Variants in MEIKIN observed in about 807,000 individuals in gnomAD.
MEIKIN encodes the protein meiotic kinetochore factor.
chr5:131,829,091 C>G (rs1749667180), intron 11 of MEIKIN, among the ~76,000 whole-genome samples: 1 of 152,122 alleles, frequency 6.6e-6, no homozygotes, highest in Admixed American at 6.5e-5. Context: ...GAAGATCCCT[C>G]TAGCTTCCAC....
intron 11 of MEIKIN, among the ~76,000 whole-genome samples, chr5:131,831,734 C>A (rs1316695003): frequency 6.6e-6 from 1 of 152,180 alleles, no homozygotes; most frequent in African/African-American, 2.4e-5. Flanking sequence ...TACAGTGCCA[C>A]ATGGCTGGGG....
chr5:131,845,272 TAA>T (rs1158220526), intron 11 of MEIKIN, among the ~76,000 whole-genome samples: 220 of 45,340 alleles, frequency 4.9e-3, no homozygotes, highest in African/African-American at 0.022. Context: ...GACTTCGTCT[TAA>T]AAAAAAAAAA....
intron 8 of MEIKIN, among the ~76,000 whole-genome samples, chr5:131,893,942 C>T (rs1304760691): frequency 6.6e-6 from 1 of 152,140 alleles, no homozygotes; most frequent in African/African-American, 2.4e-5. Context: ...GTTGCCATTG[C>T]TTTTGTTGTT....
chr5:131,933,791 ATATTTTAAAC>A (rs986340478), intron 4 of MEIKIN, 150 bp from the exon 5 acceptor site: 2 of 380,654 alleles, frequency 5.3e-6, no homozygotes, highest in Admixed American at 4.5e-5. Flanking sequence ...AAAAGGCATA[ATATTTTAAAC>A]TATTTTAATT....
intron 9 of MEIKIN, among the ~76,000 whole-genome samples, chr5:131,858,747 G>C (rs543554697): frequency 2.6e-5 from 4 of 152,094 alleles, no homozygotes; most frequent in African/African-American, 9.6e-5. Context: ...AAACCAAACA[G>C]CTCCATTAAA....
intron 4 of MEIKIN, among the ~76,000 whole-genome samples, chr5:131,941,422 G>A (rs1369585301): frequency 6.6e-6 from 1 of 150,688 alleles, no homozygotes; most frequent in African/African-American, 2.5e-5. Flanking sequence ...GCCTCTCAAA[G>A]TGCTGGGATT....
intron 3 of MEIKIN, 24 bp downstream of exon 3, chr5:131,944,641 G>C: frequency 7.5e-6 from 3 of 399,014 alleles, no homozygotes; most frequent in Non-Finnish European, 1.3e-5. Context: ...GTGTGTCCAA[G>C]GACTAAAAGA....
intron 8 of MEIKIN, among the ~76,000 whole-genome samples, chr5:131,895,494 T>G (rs1751023155): frequency 6.6e-6 from 1 of 152,194 alleles, no homozygotes; most frequent in South Asian, 2.1e-4. Flanking sequence ...TCTGGTAGAA[T>G]TCAACTGGGA....
intron 8 of MEIKIN, among the ~76,000 whole-genome samples, chr5:131,911,339 T>C (rs747450193): frequency 5.9e-5 from 9 of 152,178 alleles, no homozygotes; most frequent in East Asian, 1.9e-4. Context: ...GCAGGAAATA[T>C]AGAAAAATAT....
rs1749453135 is a variant in MEIKIN at position 131,819,757 on chromosome 5, AT to A, written c.976-895del. On this transcript the variant is annotated intron_variant, in intron 11 of 12. Coordinates refer to ENST00000442687, the MANE Select transcript of MEIKIN (RefSeq NM_001303622.2). Reference sequence around the variant, plus strand: ...TGAAACTATAGGCATGCACCACTACATCCAGCTATTTTTTTTTTTTTTTTTT... The same window carrying A: ...TGAAACTATAGGCATGCACCACTACACCAGCTATTTTTTTTTTTTTTTTTT... Among the ~76,000 whole-genome samples the A allele has an allele frequency of 2.2e-5, 3 of 136,936 alleles. No individual in the cohort carries two copies. In the South Asian group the frequency reaches 6.8e-4, roughly 31 times the overall value. 89.8% of individuals were successfully genotyped at this position (136,936 alleles called of 152,430 possible).
At chr5:131,898,960 G>T (rs1367568769) in intron 8 of MEIKIN, among the ~76,000 whole-genome samples, 1 of 152,160 alleles carries the variant, frequency 6.6e-6, no homozygotes, top group Non-Finnish European at 1.5e-5. Flanking sequence ...CCAATGAGAT[G>T]AACCAGGTAC....
chr5:131,821,102 T>G lies in MEIKIN; in HGVS notation c.976-2239A>C, dbSNP rs1749489118. The stretch of plus-strand genomic sequence containing the variant: ...TAAGATGCGTCATTAGATTGCTTAT[T>G]TGAAGTTTTTCCTCTTTTCTGATGT... On this transcript the variant is annotated intron_variant, in intron 11 of 12. Coordinates refer to ENST00000442687, the MANE Select transcript of MEIKIN (RefSeq NM_001303622.2). Among the ~76,000 whole-genome samples, 4 of 152,334 alleles carry G rather than the reference T, an allele frequency of 2.6e-5. No homozygotes were observed. In the South Asian group the frequency reaches 8.3e-4, roughly 32 times the overall value.
At chr5:131,938,747 T>C (rs891798817) in intron 4 of MEIKIN, among the ~76,000 whole-genome samples, 2 of 152,224 alleles carry the variant, frequency 1.3e-5, no homozygotes, top group African/African-American at 4.8e-5. Flanking sequence ...AATGAAACTG[T>C]GGCTTTTTAA....
rs141578260 is a variant in MEIKIN, at chr5:131,881,235, C to A, written c.704-2187G>T. 4.4e-3 allele frequency among the ~76,000 whole-genome samples: 672 copies of A among 152,310 alleles called. 12 individuals are homozygous for A. Among genetic ancestry groups the A allele is most frequent in the African/African-American group, 0.016 (653 of 41,558 alleles). ...ATAATAGTGTAGGACCAGGTTAGGT[C>A]TTGGCTGTGACAATTGTTAGTCCTC... On this transcript the variant is annotated intron_variant, in intron 8 of 12. Transcript: ENST00000442687.
At chr5:131,927,441 C>T (rs773059705) in intron 5 of MEIKIN, among the ~76,000 whole-genome samples, 22 of 152,188 alleles carry the variant, frequency 1.4e-4, no homozygotes, top group Non-Finnish European at 2.6e-4. Flanking sequence ...TATTCTGCCA[C>T]TGTCAGGTAG....
intron 3 of MEIKIN, among the ~76,000 whole-genome samples, chr5:131,943,549 T>A (rs1182939350): frequency 6.6e-6 from 1 of 152,180 alleles, no homozygotes; most frequent in East Asian, 1.9e-4. Context: ...GACAAAGCAC[T>A]ATGAAGACAC....
At chr5:131,836,380 T>C (rs562117510) in intron 11 of MEIKIN, among the ~76,000 whole-genome samples, 2 of 152,310 alleles carry the variant, frequency 1.3e-5, no homozygotes, top group South Asian at 2.1e-4. Flanking sequence ...GTCTTTATGG[T>C]AGAACAATTT....
At chr5:131,850,397 C>T (rs1025011955) in intron 11 of MEIKIN, among the ~76,000 whole-genome samples, 1 of 152,050 alleles carries the variant, frequency 6.6e-6, no homozygotes, top group Non-Finnish European at 1.5e-5. Context: ...AAAAGAAGAA[C>T]AAAGCTGGAG....
At chr5:131,848,746 C>T (rs2088719) in intron 11 of MEIKIN, among the ~76,000 whole-genome samples, 119,247 of 152,090 alleles carry the variant, frequency 0.78, 46,989 homozygotes, top group African/African-American at 0.83. Flanking sequence ...CCAATATCCA[C>T]TAGAACATTG....
Sources: gnomAD v4.1 joint callset for allele counts (sites outside exome capture counted in the v4.1 genomes callset) on GRCh38, gnomAD v4.1.1 for gene constraint, MANE v1.5 for transcripts, NCBI Gene and HGNC (gene_info 2026-07-23, HGNC 2026-07-21) for gene names.